Variants in GABRB1 observed in about 807,000 individuals in gnomAD.
GABRB1 encodes the protein gamma-aminobutyric acid receptor subunit beta-1.
A neutral mutation model predicts 51.6 loss-of-function variants in GABRB1; 17 were observed. The ratio of observed to expected loss-of-function variants is 0.33; its 90% confidence interval spans 0.23 to 0.49. The LOEUF is 0.49. GABRB1 is among the 20% of genes least tolerant of loss of function. The pLI, the probability that GABRB1 is intolerant of heterozygous loss-of-function variation, is 0.99. For missense variants in GABRB1, 410 were observed against 600.6 expected, an observed-to-expected ratio of 0.68 and a Z score of 3.32; for synonymous variants, 247 against 218.9, an observed-to-expected ratio of 1.13 and a Z score of -1.14.
chr4:47,394,643 C>A, intron 5 of GABRB1, among the ~76,000 whole-genome samples: 1 of 152,050 alleles, frequency 6.6e-6, no homozygotes. Context: ...CTAAATTGTA[C>A]TTATTTTGAT....
chr4:47,004,309 T>C (rs1252094444), intron 1 of GABRB1, among the ~76,000 whole-genome samples: 1 of 152,184 alleles, frequency 6.6e-6, no homozygotes, highest in East Asian at 1.9e-4. Context: ...TTTAAAACTT[T>C]CTTAAAGTTC....
At chr4:47,349,795 T>C (rs1214037018) in intron 5 of GABRB1, among the ~76,000 whole-genome samples, 1 of 152,198 alleles carries the variant, frequency 6.6e-6, no homozygotes, top group Non-Finnish European at 1.5e-5. Context: ...AAGTTCAAAA[T>C]GGAATAGAGG....
chr4:47,229,719 G>A (rs1323987906), intron 4 of GABRB1, among the ~76,000 whole-genome samples: 2 of 152,076 alleles, frequency 1.3e-5, no homozygotes, highest in Admixed American at 6.6e-5. Context: ...ACAAGAAGGG[G>A]CTGGAGAAAG....
chr4:47,408,857 A>G (rs1176148882), intron 8 of GABRB1, among the ~76,000 whole-genome samples: 1 of 152,198 alleles, frequency 6.6e-6, no homozygotes, highest in African/African-American at 2.4e-5. Flanking sequence ...TCACGAGGGA[A>G]AACCCTACCC....
intron 3 of GABRB1, among the ~76,000 whole-genome samples, chr4:47,062,623 T>C (rs975477713): frequency 1.3e-5 from 2 of 152,132 alleles, no homozygotes; most frequent in Non-Finnish European, 2.9e-5. Flanking sequence ...TTCCAATACA[T>C]TCAAAAGATT....
intron 8 of GABRB1, among the ~76,000 whole-genome samples, chr4:47,416,649 G>A (rs899014308): frequency 6.6e-6 from 1 of 151,836 alleles, no homozygotes; most frequent in African/African-American, 2.4e-5. Context: ...ATGGGGTTTC[G>A]CCATGTTGGC....
chr4:47,085,326 A>G (rs1308177692), intron 3 of GABRB1, among the ~76,000 whole-genome samples: 1 of 152,172 alleles, frequency 6.6e-6, no homozygotes, highest in Non-Finnish European at 1.5e-5. Flanking sequence ...TACATGTGTT[A>G]TTCTACTTTA....
At chr4:47,350,821 C>T (rs1726300963) in intron 5 of GABRB1, among the ~76,000 whole-genome samples, 1 of 152,102 alleles carries the variant, frequency 6.6e-6, no homozygotes, top group South Asian at 2.1e-4. Context: ...TGAAATATTT[C>T]ATGACCCTGA....
chr4:47,155,465 G>A (rs1329950462), intron 3 of GABRB1, among the ~76,000 whole-genome samples: 2 of 151,974 alleles, frequency 1.3e-5, no homozygotes, highest in East Asian at 3.9e-4. Context: ...CTTGAGAATA[G>A]TTAGAAAAGG....
At chr4:47,371,077 G>A (rs1402179262) in intron 5 of GABRB1, among the ~76,000 whole-genome samples, 1 of 106,822 alleles carries the variant, frequency 9.4e-6, no homozygotes, top group Non-Finnish European at 2.1e-5. Flanking sequence ...TCTTCCTAAT[G>A]CTCTCCCTCC....
intron 4 of GABRB1, among the ~76,000 whole-genome samples, chr4:47,237,666 T>C (rs1204981232): frequency 6.6e-6 from 1 of 152,010 alleles, no homozygotes; most frequent in East Asian, 1.9e-4. Context: ...TTACCTCCAA[T>C]ATATTAGTAT....
chr4:47,114,254 A>G (rs1715368297), intron 3 of GABRB1, among the ~76,000 whole-genome samples: 1 of 152,180 alleles, frequency 6.6e-6, no homozygotes, highest in Non-Finnish European at 1.5e-5. Flanking sequence ...TGCACAGGTC[A>G]TCCTCAGAGT....
intron 4 of GABRB1, among the ~76,000 whole-genome samples, chr4:47,186,214 G>C (rs1719173115): frequency 6.6e-6 from 1 of 150,852 alleles, no homozygotes; most frequent in Non-Finnish European, 1.5e-5. Flanking sequence ...GGCATGAATT[G>C]GTGGGGGGGC....
intron 5 of GABRB1, among the ~76,000 whole-genome samples, chr4:47,384,450 TAAAAC>T (rs1727713873): frequency 6.7e-6 from 1 of 149,682 alleles, no homozygotes; most frequent in South Asian, 2.1e-4. Context: ...TGAATTTAAA[TAAAAC>T]AAAACAAAAC....
intron 4 of GABRB1, among the ~76,000 whole-genome samples, chr4:47,306,336 A>G: frequency 7.0e-6 from 1 of 142,268 alleles, no homozygotes; most frequent in Non-Finnish European, 1.5e-5. Context: ...GAGGAAGGGG[A>G]GGATTTAAGG....
At chr4:47,040,197 T>C (rs1725777871) in intron 3 of GABRB1, among the ~76,000 whole-genome samples, 1 of 152,162 alleles carries the variant, frequency 6.6e-6, no homozygotes, top group South Asian at 2.1e-4. Context: ...GCTGAGGAAA[T>C]GGACCCTAAT....
At chr4:47,125,633 G>A (rs1716096243) in intron 3 of GABRB1, among the ~76,000 whole-genome samples, 1 of 131,262 alleles carries the variant, frequency 7.6e-6, no homozygotes, top group African/African-American at 2.8e-5. Context: ...TCGGCTCACT[G>A]CAAGCTCCGC....
chr4:47,308,379 T>C (rs1414881670), intron 4 of GABRB1, among the ~76,000 whole-genome samples: 2 of 152,088 alleles, frequency 1.3e-5, no homozygotes, highest in Non-Finnish European at 2.9e-5. Context: ...TTATTGCTTA[T>C]TTGAATAGAA....
chr4:47,135,003 G>A (rs1048400764), intron 3 of GABRB1, among the ~76,000 whole-genome samples: 28 of 152,072 alleles, frequency 1.8e-4, no homozygotes, highest in African/African-American at 5.6e-4. Context: ...GCATGTGCCC[G>A]TGTCTCAGAT....
Sources: gnomAD v4.1 joint callset for allele counts (sites outside exome capture counted in the v4.1 genomes callset) on GRCh38, gnomAD v4.1.1 for gene constraint, MANE v1.5 for transcripts, NCBI Gene and HGNC (gene_info 2026-07-23, HGNC 2026-07-21) for gene names.